The following YY1AP1 variants were observed in gnomAD, a reference collection of about 807,000 sequenced individuals.
YY1AP1 encodes the protein YY1 associated protein 1, also known as YY1-associated protein 1.
In YY1AP1, 43 loss-of-function variants were observed where a neutral mutation model predicts 39.9. The observed-to-expected ratio is 1.08, with a 90% confidence interval of 0.84 to 1.39. YY1AP1 has a LOEUF of 1.39. YY1AP1 is among the 40% of genes most tolerant of loss of function. The probability of loss-of-function intolerance (pLI) is 0.00; values close to 1 mark genes in which losing one functional copy is unlikely to be tolerated. For synonymous variants in YY1AP1, 292 were observed against 331.3 expected, an observed-to-expected ratio of 0.88 and a Z score of 1.29; for missense variants, 813 against 900.7, an observed-to-expected ratio of 0.90 and a Z score of 1.25.
Position 155,676,685 on chromosome 1 carries a change from C to T in YY1AP1, c.187G>A (p.Glu63Lys). The change falls in exon 5 of 11, where the codon GAA (glutamate) becomes AAA (lysine). Residue 63 changes from glutamate (E) to lysine (K), a missense_variant. Glu to Lys is a moderately conservative substitution (Grantham distance 56, BLOSUM62 1). Coordinates refer to ENST00000355499, the MANE Select transcript of YY1AP1 (RefSeq NM_139119.3). The stretch of plus-strand genomic sequence containing the variant: ...GAAGGTTTCTTCATCTTCAGCTGTT[C>T]AAATAGTTCCTTCGCTATCTGATGT... ...EQHQIAKELF[E>K]QLKMKKPSAK... 1 of 1,614,126 alleles carries T rather than the reference C, an allele frequency of 6.2e-7. No individual in the cohort carries two copies. Among genetic ancestry groups the T allele is most frequent in the South Asian group, 1.1e-5 (1 of 91,070 alleles).
intron 1 of YY1AP1, 140 bp downstream of exon 1, chr1:155,688,519 T>A: frequency 1.9e-6 from 3 of 1,545,372 alleles, no homozygotes; most frequent in Non-Finnish European, 2.6e-6. Flanking sequence ...CGTCGCTGGC[T>A]GCTCCCACCA....
intron 1 of YY1AP1, 49 bp downstream of exon 1, chr1:155,688,610 C>G (rs1653086031): frequency 6.5e-7 from 1 of 1,534,774 alleles, no homozygotes; most frequent in Non-Finnish European, 8.7e-7. Flanking sequence ...GTTCTCCACT[C>G]CCCCTCAGAC....
rs1470065941 is a variant in YY1AP1 at position 155,676,732 on chromosome 1, A to G, written c.140T>C (p.Leu47Pro). Residue 47 changes from leucine (L) to proline (P), a missense_variant, in exon 5 of 11, where the codon CTG (leucine) becomes CCG (proline). Leu to Pro is a moderately conservative substitution (Grantham distance 98, BLOSUM62 -3). Around this residue, in one of 3 missense-constraint regions of YY1AP1, gnomAD observed 196 missense variants for 189.7 expected, o/e 1.03. Coordinates refer to ENST00000355499, the MANE Select transcript of YY1AP1 (RefSeq NM_139119.3). ...TPQALRFEEL[L>P]ANLLNEQHQI... is the part of the protein sequence containing the mutation. ...ATGTTGTTCATTTAGTAGGTTGGCC[A>G]GTAGTTCCTCAAACCTATCCCAAAC... 3.7e-6 allele frequency: 6 copies of G among 1,614,018 alleles called. No individual in the cohort carries two copies. The highest frequency in any genetic ancestry group is 4.2e-6 in the Non-Finnish European group (5 of 1,180,024).
rs762305200 is a variant in YY1AP1 at position 155,665,017 on chromosome 1, G to A, written c.880-3594C>T. On this transcript the variant is annotated intron_variant, in intron 9 of 10. Transcript: ENST00000355499. Reference sequence around the variant, plus strand: ...GATTTCCCGACCTCGTGATCCACCCGCCTCAGCCTCCCAAAGTGCTGGGAT... The same window carrying A: ...GATTTCCCGACCTCGTGATCCACCCACCTCAGCCTCCCAAAGTGCTGGGAT... Among the ~76,000 whole-genome samples, 364 of 151,820 alleles carry A rather than the reference G, an allele frequency of 2.4e-3. 1 individual carries two copies. Among genetic ancestry groups the A allele is most frequent in the Admixed American group, 3.9e-3 (59 of 15,254 alleles).
chr1:155,684,633 T>C (rs2149073915), intron 2 of YY1AP1, among the ~76,000 whole-genome samples: 1 of 151,504 alleles, frequency 6.6e-6, no homozygotes, highest in East Asian at 1.9e-4. Flanking sequence ...TGCAGTGGCA[T>C]GATTTCAGCT....
intron 5 of YY1AP1, among the ~76,000 whole-genome samples, 153 bp from the exon 6 acceptor site, chr1:155,675,249 C>T (rs1287189135): frequency 1.6e-4 from 25 of 152,092 alleles, no homozygotes; most frequent in Admixed American, 1.4e-3. Flanking sequence ...CCCTCTCAAC[C>T]ACCTGTGCTC....
chr1:155,686,611 A>G (rs563645013), intron 2 of YY1AP1, among the ~76,000 whole-genome samples: 1 of 152,296 alleles, frequency 6.6e-6, no homozygotes, highest in South Asian at 2.1e-4. Context: ...GAATGAGTGA[A>G]AAAGGATCCT....
In YY1AP1 at chr1:155,675,088, C is replaced by G; in HGVS notation, c.333G>C (p.Gln111His). ...CAAGAAGGTGGATTTGTGTCAAGAG[C>G]TGAACATGCTGGGGAGAGAAAGAAA... ...RLQQQMQQHVQLLTQIHLLAT... is the reference protein window; with the variant it reads ...RLQQQMQQHVHLLTQIHLLAT... The change falls in exon 6 of 11, where the codon CAG becomes CAC. Residue 111 changes from glutamine to histidine, a missense_variant. By Grantham distance (24) the Gln-to-His change is conservative. Coordinates refer to ENST00000355499, the MANE Select transcript of YY1AP1 (RefSeq NM_139119.3). 1 of 1,613,436 alleles carries G rather than the reference C, an allele frequency of 6.2e-7. No individual in the cohort carries two copies. Among genetic ancestry groups the G allele is most frequent in the Non-Finnish European group, 8.5e-7 (1 of 1,179,616 alleles).
In YY1AP1 at chr1:155,660,121, G is replaced by A; in HGVS notation, c.1789C>T (p.Pro597Ser). The A allele has an allele frequency of 1.2e-6, 2 of 1,614,196 alleles. No homozygotes were observed. Among genetic ancestry groups the A allele is most frequent in the Non-Finnish European group, 1.7e-6 (2 of 1,180,036 alleles). The change falls in exon 11 of 11, where the codon CCT (proline) becomes TCT (serine). Residue 597 changes from proline (P) to serine (S), a missense_variant. Physicochemically the swap from Pro to Ser is moderately conservative, Grantham distance 74 (BLOSUM62 -1). Coordinates refer to ENST00000355499, the MANE Select transcript of YY1AP1 (RefSeq NM_139119.3). ...TIPIATLLVN[P>S]TSFPCPLNQP... ...TTCAATGGACAGGGGAAGGAAGTAGGGTTAACCAAGAGGGTGGCGATGGGA... is the reference window on the plus strand; with the variant it reads ...TTCAATGGACAGGGGAAGGAAGTAGAGTTAACCAAGAGGGTGGCGATGGGA...
At chr1:155,676,456 C>CATTT (rs1650700866) in intron 5 of YY1AP1, 92 bp downstream of exon 5, 1 of 1,469,342 alleles carries the variant, frequency 6.8e-7, no homozygotes, top group African/African-American at 1.4e-5. Context: ...CTATCTCTGA[C>CATTT]ATTTACAAAG....
chr1:155,687,966 C>G (rs583303), intron 2 of YY1AP1, 105 bp downstream of exon 2: 1 of 1,308,986 alleles, frequency 7.6e-7, no homozygotes, highest in Admixed American at 2.5e-5. Flanking sequence ...CACTGCTCTC[C>G]CAGAGGTCCA....
chr1:155,686,498 C>A (rs1405442026), intron 2 of YY1AP1, among the ~76,000 whole-genome samples: 1 of 152,098 alleles, frequency 6.6e-6, no homozygotes, highest in Non-Finnish European at 1.5e-5. Flanking sequence ...TACCTACCAC[C>A]GTCAAAACAA....
rs1206217942 is a variant in YY1AP1, at chr1:155,661,550, C to CACACACACACAA, written c.880-128_880-127insTTGTGTGTGTGT. ...ACACACACACACACACACACACACA[C>CACACACACACAA]AAGACCACATACACAAACATCCATG... On this transcript the variant is annotated intron_variant, in intron 9 of 10. Transcript: ENST00000355499. 6 of 1,448,754 alleles carry CACACACACACAA rather than the reference C, an allele frequency of 4.1e-6. No homozygotes were observed. The African/African-American group carries it at 7.0e-5, about 17-fold the overall frequency. The allele number at this position is 1,448,754 out of a possible 1,614,324, so 89.7% of individuals were successfully genotyped here. A position where few individuals can be genotyped will look rare whatever the true frequency, so the allele number is the denominator to read the frequency against.
intron 2 of YY1AP1, among the ~76,000 whole-genome samples, chr1:155,682,459 C>G (rs1240716365): frequency 6.6e-6 from 1 of 151,920 alleles, no homozygotes; most frequent in Non-Finnish European, 1.5e-5. Flanking sequence ...CTCTACATGT[C>G]AGAGTTTTTG....
chr1:155,675,946 G>C, intron 5 of YY1AP1, among the ~76,000 whole-genome samples: 1 of 152,172 alleles, frequency 6.6e-6, no homozygotes, highest in East Asian at 1.9e-4. Context: ...GGAAAAGGCC[G>C]GGCGCAGTGA....
At chr1:155,676,313 T>C (rs1650668829) in intron 5 of YY1AP1, among the ~76,000 whole-genome samples, 1 of 152,224 alleles carries the variant, frequency 6.6e-6, no homozygotes, top group Admixed American at 6.5e-5. Context: ...GAGGACTCTT[T>C]GAAATCTGTA....
intron 1 of YY1AP1, 42 bp from the exon 2 acceptor site, chr1:155,688,243 T>G: frequency 6.2e-7 from 1 of 1,610,438 alleles, no homozygotes. Flanking sequence ...GGTGGAGGGC[T>G]AAAGGGGCAA....
chr1:155,677,518 T>A (rs1336924724), intron 4 of YY1AP1, among the ~76,000 whole-genome samples: 1 of 152,204 alleles, frequency 6.6e-6, no homozygotes, highest in Non-Finnish European at 1.5e-5. Flanking sequence ...TGATACCCTA[T>A]GCAACAGGAT....
Position 155,675,015 on chromosome 1 carries a change from A to G in YY1AP1, c.406T>C (p.Cys136Arg), listed in dbSNP as rs759867842. 7 of 1,613,114 alleles carry G rather than the reference A, an allele frequency of 4.3e-6. No homozygotes were observed. The highest frequency in any genetic ancestry group is 1.3e-5 in the African/African-American group (1 of 74,896). ...LNPEASSTRI[C>R]LKELGTFAQS... ...ACGGCAATTTGGAAACTTACAAGAC[A>G]TATCCTGGTGCTACTGGCCTCCGGA... Residue 136 changes from cysteine (C) to arginine (R), a missense_variant, in exon 6 of 11, where the codon TGT becomes CGT. Cys to Arg is a radical substitution (Grantham distance 180, BLOSUM62 -3). Around this residue, in one of 3 missense-constraint regions of YY1AP1, gnomAD observed 196 missense variants for 189.7 expected, o/e 1.03. Coordinates refer to ENST00000355499, the MANE Select transcript of YY1AP1 (RefSeq NM_139119.3).
Sources: allele counts gnomAD v4.1 joint callset (sites outside exome capture counted in the v4.1 genomes callset), GRCh38; gene constraint gnomAD v4.1.1; regional missense constraint gnomAD v4.1.1; transcripts MANE v1.5; gene names NCBI Gene and HGNC (gene_info 2026-07-23, HGNC 2026-07-21).